PDK3: variants seen among roughly 807,000 people sequenced by gnomAD.
PDK3 encodes pyruvate dehydrogenase kinase 3.
Under a neutral mutation model 32.0 loss-of-function variants are expected in PDK3, and 12 were observed. The ratio of observed to expected loss-of-function variants is 0.37; its 90% CI spans 0.24 to 0.61. The LOEUF is 0.61. Among genes scored for constraint, PDK3 ranks in the 20% least tolerant of loss-of-function variants. The probability of loss-of-function intolerance (pLI) is 0.65; values close to 1 mark genes in which losing one functional copy is unlikely to be tolerated. For synonymous variants in PDK3, 122 were observed against 116.3 expected, an observed-to-expected ratio of 1.05 and a Z score of -0.31; for missense variants, 188 against 316.9, an observed-to-expected ratio of 0.59 and a Z score of 3.09.
In PDK3 at chrX:24,505,202, C is replaced by T. The variant is rs1195638386; in HGVS notation, c.506-7C>T. 2.5e-6 allele frequency: 3 copies of T among 1,185,281 alleles called. No individual in the cohort carries two copies. Among genetic ancestry groups the T allele is most frequent in the Admixed American group, 4.5e-5 (2 of 44,781 alleles). On this transcript the variant is annotated splice_region_variant and splice_polypyrimidine_tract_variant and intron_variant, in intron 4 of 10. Transcript: ENST00000379162. ...AATCCCCTCCCTTTCCTTTTGTGTT[C>T]GTCTAGCACTTCTGTTTGGGGGTGA...
At chrX:24,490,966 ATTC>A (rs1264772158) in intron 1 of PDK3, among the ~76,000 whole-genome samples, 1 of 110,945 alleles carries the variant, frequency 9.0e-6, no homozygotes, top group Non-Finnish European at 1.9e-5. Context: ...TAACACCAGA[ATTC>A]TTCTACTTCT....
At chrX:24,498,372 G>A (rs1288444198) in intron 2 of PDK3, among the ~76,000 whole-genome samples, 2 of 111,696 alleles carry the variant, frequency 1.8e-5, no homozygotes, top group African/African-American at 3.3e-5. Flanking sequence ...TTCATTTTCA[G>A]ACTGGATTCC....
At chrX:24,540,234 A>G (rs1252325160) in exon 12 of PDK3, among the ~76,000 whole-genome samples, 4 of 112,203 alleles carry the variant, frequency 3.6e-5, no homozygotes, top group Non-Finnish European at 7.5e-5. Flanking sequence ...ATGATGTTAT[A>G]TTTACCCTTA....
Position 24,498,808 on chromosome X carries a change from CT to C in PDK3, c.249-9del, listed in dbSNP as rs374771377. ...AACTAACATAGTAACTCTTCTTTTT[CT>C]TTTTTTTTTTTCCTTTTAGGTATAT... On this transcript the variant is annotated intron_variant, in intron 2 of 10. Coordinates refer to ENST00000379162, the MANE Select transcript of PDK3 (RefSeq NM_005391.5). 56,005 of 624,154 alleles carry C rather than the reference CT, an allele frequency of 0.09. No individual in the cohort carries two copies. Among genetic ancestry groups the C allele is most frequent in the East Asian group, 0.11 (1,892 of 16,619 alleles). The allele number at this position is 624,154 out of a possible 1,213,427, so 51.4% of individuals were successfully genotyped here.
At chrX:24,488,243 C>T (rs1921455142) in intron 1 of PDK3, among the ~76,000 whole-genome samples, 1 of 111,233 alleles carries the variant, frequency 9.0e-6, no homozygotes, top group African/African-American at 3.3e-5. Context: ...AGGCTCCCTG[C>T]ATTACATTGA....
chrX:24,513,190 A>C (rs761323141), intron 5 of PDK3, among the ~76,000 whole-genome samples: 5 of 110,763 alleles, frequency 4.5e-5, no homozygotes, highest in African/African-American at 1.6e-4. Context: ...TCCCACTCCC[A>C]CTTGCCCAGT....
At chrX:24,538,635 C>T (rs889783923), downstream of PDK3, among the ~76,000 whole-genome samples, 7 of 110,775 alleles carry the variant, frequency 6.3e-5, no homozygotes, top group Admixed American at 9.6e-5. Context: ...AAAAATTAGC[C>T]GGGCGGTGGT....
At chrX:24,522,597 C>G (rs373811632) in intron 6 of PDK3, among the ~76,000 whole-genome samples, 1 of 111,367 alleles carries the variant, frequency 9.0e-6, no homozygotes, top group East Asian at 2.8e-4. Flanking sequence ...GCTTGTTCCT[C>G]GAGCCCCATT....
intron 5 of PDK3, among the ~76,000 whole-genome samples, chrX:24,511,442 A>G (rs1436077794): frequency 1.8e-5 from 2 of 111,989 alleles, no homozygotes; most frequent in Admixed American, 1.9e-4. Flanking sequence ...TGATTTTCTT[A>G]GCTGTGAGAA....
downstream of PDK3, among the ~76,000 whole-genome samples, chrX:24,535,415 G>A (rs766990177): frequency 9.5e-6 from 1 of 105,241 alleles, no homozygotes; most frequent in African/African-American, 3.5e-5. Flanking sequence ...TGAAGCAGGA[G>A]AATTGCTTGA....
intron 6 of PDK3, among the ~76,000 whole-genome samples, chrX:24,521,666 T>A (rs773095611): frequency 1.8e-5 from 2 of 111,845 alleles, no homozygotes; most frequent in South Asian, 7.5e-4. Flanking sequence ...GCAGCAGGCC[T>A]GTTCTTGCTG....
chrX:24,545,195 A>G (rs929352277), exon 12 of PDK3, among the ~76,000 whole-genome samples: 2 of 112,202 alleles, frequency 1.8e-5, no homozygotes, highest in African/African-American at 6.5e-5. Flanking sequence ...TTGTTGGTGG[A>G]GCTGTGCCAC....
rs188653360 is a variant in PDK3 at position 24,529,721 on chromosome X, T to A, written c.963+1535T>A. Among the ~76,000 whole-genome samples the A allele has an allele frequency of 5.2e-3, 525 of 101,098 alleles. 6 individuals carry two copies. The highest frequency in any genetic ancestry group is 0.019 in the African/African-American group (512 of 26,990). 87.8% of individuals were successfully genotyped at this position (101,098 alleles called of 115,157 possible). On this transcript the variant is annotated intron_variant, in intron 9 of 10. Coordinates refer to ENST00000379162, the MANE Select transcript of PDK3 (RefSeq NM_005391.5). ...TTGCAGTGAGCCTATATCATGCCAC[T>A]GCACTCCAGCCTGGGCGACAGAGCG...
chrX:24,500,732 G>A, intron 3 of PDK3, among the ~76,000 whole-genome samples: 1 of 111,948 alleles, frequency 8.9e-6, no homozygotes, highest in East Asian at 2.8e-4. Context: ...TTACCAAGAG[G>A]TTGTATGGGA....
At chrX:24,473,680 A>G (rs1049373284) in intron 1 of PDK3, among the ~76,000 whole-genome samples, 7 of 108,880 alleles carry the variant, frequency 6.4e-5, no homozygotes, top group Middle Eastern at 4.7e-3. Context: ...TAGGTGATCT[A>G]CCCGCCTCTG....
chrX:24,497,022 C>T (rs181926501), intron 2 of PDK3, among the ~76,000 whole-genome samples: 5 of 108,557 alleles, frequency 4.6e-5, no homozygotes, highest in African/African-American at 6.7e-5. Context: ...CCTTGTGATC[C>T]GCCTGCCTCG....
rs765194532 is a variant in PDK3, at chrX:24,474,574, C to T, written c.106+9013C>T. 1.4e-4 allele frequency among the ~76,000 whole-genome samples: 15 copies of T among 109,473 alleles called. No homozygotes were observed. The South Asian group carries it at 2.4e-3, about 17-fold the overall frequency. On this transcript the variant is annotated intron_variant, in intron 1 of 10. Coordinates refer to ENST00000379162, the MANE Select transcript of PDK3 (RefSeq NM_005391.5). ...GACTACAGGCATGCGCCACCACGCCCGGCTAATTTTTGTATTTTTAGCAGA... is the reference window on the plus strand; with the variant it reads ...GACTACAGGCATGCGCCACCACGCCTGGCTAATTTTTGTATTTTTAGCAGA...
At chrX:24,469,409 G>GT (rs1006933982) in intron 1 of PDK3, among the ~76,000 whole-genome samples, 19 of 109,069 alleles carry the variant, frequency 1.7e-4, no homozygotes, top group Admixed American at 5.9e-4. Context: ...CTTTTGATAG[G>GT]TAAAAAAAAA....
intron 6 of PDK3, 44 bp downstream of exon 6, chrX:24,519,054 T>A: frequency 2.3e-6 from 2 of 882,631 alleles, no homozygotes; most frequent in Non-Finnish European, 1.6e-6. Context: ...AAAAGCTGAC[T>A]AAGAAGCTGT....
Sources: allele counts gnomAD v4.1 joint callset (sites outside exome capture counted in the v4.1 genomes callset), GRCh38; gene constraint gnomAD v4.1.1; transcripts MANE v1.5; gene names NCBI Gene and HGNC (gene_info 2026-07-23, HGNC 2026-07-21).